The following POM121C variants were observed in gnomAD, a reference collection of about 807,000 sequenced individuals.
POM121C encodes the protein POM121 transmembrane nucleoporin C, also known as nuclear envelope pore membrane protein POM 121C.
Under a neutral mutation model 66.4 loss-of-function variants are expected in POM121C, and 20 were observed. The ratio of observed to expected loss-of-function variants is 0.30; its 90% CI spans 0.21 to 0.44. The LOEUF is 0.44. Among genes scored for constraint, POM121C ranks in the 20% least tolerant of loss-of-function variants. The pLI is 1.00. For missense variants in POM121C, 580 were observed against 1,225.7 expected (o/e 0.47, Z 7.87); for synonymous variants, 286 against 528.0 (o/e 0.54, Z 6.28).
At chr7:75,451,118 G>C (rs1434350785) in intron 3 of POM121C, among the ~76,000 whole-genome samples, 1 of 152,170 alleles carries the variant, frequency 6.6e-6, no homozygotes, top group African/African-American at 2.4e-5. Flanking sequence ...GTAATTTACA[G>C]ATTCAATGCT....
At chr7:75,428,526 C>T (rs1271593155) in intron 7 of POM121C, among the ~76,000 whole-genome samples, 1 of 152,070 alleles carries the variant, frequency 6.6e-6, no homozygotes, top group Non-Finnish European at 1.5e-5. Flanking sequence ...GGCAGGAGAA[C>T]TGCTTGAGCC....
At chr7:75,419,983 A>C (rs1173830968) in intron 13 of POM121C, 1 of 154,214 alleles carries the variant, frequency 6.5e-6, no homozygotes, top group African/African-American at 2.4e-5. Flanking sequence ...GGACAAGGGG[A>C]AGCTCCCTGT....
At chr7:75,453,358 G>A (rs587704735) in intron 3 of POM121C, among the ~76,000 whole-genome samples, 285 of 151,328 alleles carry the variant, frequency 1.9e-3, no homozygotes, top group Non-Finnish European at 3.2e-3. Context: ...TGAGGCAGGC[G>A]GATCACCTGA....
intron 5 of POM121C, among the ~76,000 whole-genome samples, chr7:75,439,532 T>C (rs1554473585): frequency 6.6e-6 from 1 of 152,166 alleles, no homozygotes; most frequent in Non-Finnish European, 1.5e-5. Flanking sequence ...ACTACAAGTA[T>C]GCACCACCAC....
Position 75,418,592 on chromosome 7 carries a change from C to T in POM121C, c.*204G>A, listed in dbSNP as rs1396789144. On this transcript the variant is annotated 3_prime_UTR_variant, in exon 15 of 15. Transcript: ENST00000615331. ...GTAGAGGTCCCGGGCTTTGGCCCTC[C>T]GCATCCTGCTTCCCCTTCCCTGAGG... 4.4e-5 allele frequency: 58 copies of T among 1,316,854 alleles called. No homozygotes were observed. The highest frequency in any genetic ancestry group is 4.7e-5 in the Non-Finnish European group (48 of 1,010,614). The allele number at this position is 1,316,854 out of a possible 1,614,324, so 81.6% of individuals were successfully genotyped here. A position where few individuals can be genotyped will look rare whatever the true frequency, so the allele number is the denominator to read the frequency against.
At chr7:75,442,712 G>C in intron 3 of POM121C, 1 of 1,375,836 alleles carries the variant, frequency 7.3e-7, no homozygotes, top group Non-Finnish European at 9.3e-7. Context: ...CGCAGCCGCC[G>C]GAGACATCGC....
Position 75,485,331 on chromosome 7 carries a change from A to G in POM121C, c.-458+533T>C, listed in dbSNP as rs587770251. On this transcript the variant is annotated intron_variant, in intron 1 of 14. Coordinates refer to ENST00000615331, the MANE Select transcript of POM121C (RefSeq NM_001099415.3). ...AGAAAACTAGGATACGGGAGAAAGA[A>G]CACTGGCCTGGGAGATAAGTCTCCT... 9.0e-3 allele frequency among the ~76,000 whole-genome samples: 1,364 copies of G among 152,224 alleles called. 6 individuals are homozygous for G. The highest frequency in any genetic ancestry group is 0.017 in the Middle Eastern group (5 of 292).
At chr7:75,484,108 A>T in intron 1 of POM121C, 1 of 1,376,344 alleles carries the variant, frequency 7.3e-7, no homozygotes, top group Non-Finnish European at 1.0e-6. Flanking sequence ...TCTCAAAAAA[A>T]AGAAAAAAAA....
intron 1 of POM121C, among the ~76,000 whole-genome samples, chr7:75,480,027 T>C (rs1792250391): frequency 6.7e-6 from 1 of 149,814 alleles, no homozygotes; most frequent in East Asian, 1.9e-4. Flanking sequence ...ACTCGTTTTA[T>C]CAATAATCAC....
At position 75,437,678 on chromosome 7, in the gene POM121C, G is replaced by T. The variant is rs587664121; in HGVS notation, c.317C>A (p.Ser106Tyr). The change falls in exon 7 of 15, where the codon TCT becomes TAT. Residue 106 changes from serine to tyrosine, a missense_variant. Transcript: ENST00000615331. ...VPASFVPKPG[S>Y]LKRGLNSQSS... ...CTGAGAATTGAGGCCTCTCTTCAGA[G>T]ACCCAGGCCTAATAAAAGAGAAGAC... is the stretch of plus-strand genomic sequence containing the variant. The T allele has an allele frequency of 6.3e-7, 1 of 1,596,772 alleles. No individual in the cohort carries two copies. Among genetic ancestry groups the T allele is most frequent in the African/African-American group, 1.3e-5 (1 of 74,212 alleles).
chr7:75,473,720 G>A (rs1264328229), intron 3 of POM121C, among the ~76,000 whole-genome samples: 3 of 150,516 alleles, frequency 2.0e-5, no homozygotes, highest in Non-Finnish European at 3.0e-5. Flanking sequence ...ACGGAGTCTC[G>A]CTCTGTCGCC....
intron 1 of POM121C, among the ~76,000 whole-genome samples, chr7:75,484,999 C>T (rs1410394955): frequency 2.0e-5 from 3 of 151,652 alleles, no homozygotes; most frequent in Non-Finnish European, 4.4e-5. Flanking sequence ...AGATGCATCC[C>T]AGCATGCCTG....
chr7:75,422,042 G>A lies in POM121C; in HGVS notation c.2210C>T (p.Ala737Val). 3 of 1,612,748 alleles carry A rather than the reference G, an allele frequency of 1.9e-6. No homozygotes were observed. The highest frequency in any genetic ancestry group is 1.7e-5 in the Admixed American group (1 of 59,998). Residue 737 changes from alanine (A) to valine (V), a missense_variant, in exon 13 of 15, where the codon GCC becomes GTC. By Grantham distance (64) the Ala-to-Val change is moderately conservative. Transcript: ENST00000615331. Reference protein sequence around the residue: ...GSSFTFGNSAAPAPATAPTPA... With the variant: ...GSSFTFGNSAVPAPATAPTPA... The stretch of plus-strand genomic sequence containing the variant: ...TGTGGGTGCAGTAGCCGGGGCCGGG[G>A]CTGCAGAGTTTCCAAAAGTGAAAGA...
intron 7 of POM121C, among the ~76,000 whole-genome samples, chr7:75,430,953 G>A (rs587636424): frequency 4.9e-4 from 74 of 151,798 alleles, no homozygotes; most frequent in Middle Eastern, 3.4e-3. Context: ...GCAGGTGCCC[G>A]CAGTCCCAGC....
At chr7:75,481,961 C>CA (rs1451876039) in intron 1 of POM121C, among the ~76,000 whole-genome samples, 3 of 152,098 alleles carry the variant, frequency 2.0e-5, no homozygotes, top group South Asian at 4.2e-4. Context: ...CTTAACTTCA[C>CA]AAAAACAAAG....
At chr7:75,442,311 C>T in intron 3 of POM121C, 12 of 1,431,928 alleles carry the variant, frequency 8.4e-6, no homozygotes, top group Non-Finnish European at 9.9e-6. Context: ...GGAGCGGGGG[C>T]GGGCTGCGGC....
intron 7 of POM121C, among the ~76,000 whole-genome samples, chr7:75,436,675 G>A (rs1473791941): frequency 2.6e-5 from 4 of 152,104 alleles, no homozygotes; most frequent in African/African-American, 7.2e-5. Context: ...TGTAATAGGT[G>A]CTTTTTAAAT....
At chr7:75,441,277 AAAAC>A (rs1790637326) in intron 4 of POM121C, among the ~76,000 whole-genome samples, 151 bp downstream of exon 4, 1 of 152,104 alleles carries the variant, frequency 6.6e-6, no homozygotes, top group Non-Finnish European at 1.5e-5. Context: ...CAAAAAGTGA[AAAAC>A]AAACGGTTTT....
At position 75,417,285 on chromosome 7, in the gene POM121C, G is replaced by C; in HGVS notation, c.*1511C>G. ...CTCTAGTCCCCCAGGAAAGCTGCCG[G>C]GGACAGCATTTGAGCCTCTTCTTTG... is the stretch of plus-strand genomic sequence containing the variant. On this transcript the variant is annotated 3_prime_UTR_variant, in exon 15 of 15. Coordinates refer to ENST00000615331, the MANE Select transcript of POM121C (RefSeq NM_001099415.3). The C allele has an allele frequency of 5.8e-6, 5 of 860,680 alleles. No individual in the cohort carries two copies. The highest frequency in any genetic ancestry group is 7.0e-6 in the Non-Finnish European group (5 of 715,942). The allele number at this position is 860,680 out of a possible 1,614,324, so 53.3% of individuals were successfully genotyped here.
Sources: allele counts gnomAD v4.1 joint callset (sites outside exome capture counted in the v4.1 genomes callset), GRCh38; gene constraint gnomAD v4.1.1; transcripts MANE v1.5; gene names NCBI Gene and HGNC (gene_info 2026-07-23, HGNC 2026-07-21).